ZMAT4: variants seen among roughly 807,000 people sequenced by gnomAD.
The protein encoded by ZMAT4 is zinc finger matrin-type 4.
A neutral mutation model predicts 28.7 loss-of-function variants in ZMAT4; 17 were observed. The observed-to-expected ratio is 0.59, with a 90% confidence interval of 0.41 to 0.89. The LOEUF is 0.89. Among genes scored for constraint, ZMAT4 ranks in the 40% least tolerant of loss-of-function variants. ZMAT4 has a pLI of 0.00. For missense variants in ZMAT4, 240 were observed against 283.8 expected, an observed-to-expected ratio of 0.85 and a Z score of 1.11; for synonymous variants, 117 against 109.2, an observed-to-expected ratio of 1.07 and a Z score of -0.44.
At chr8:40,731,075 AC>A (rs368801882) in intron 3 of ZMAT4, among the ~76,000 whole-genome samples, 7 of 152,206 alleles carry the variant, frequency 4.6e-5, no homozygotes, top group African/African-American at 9.6e-5. Flanking sequence ...AAGGATCTGC[AC>A]CCTAATCACT....
In ZMAT4 at chr8:40,815,246, G is replaced by A. The variant is rs147320834; in HGVS notation, c.102+10329C>T. On this transcript the variant is annotated intron_variant, in intron 2 of 6. Transcript: ENST00000297737. ...GCTGAGATCATGCAAATGCACTCCA[G>A]TGTGGGCAACAGAGCAAGACTCCAT... Among the ~76,000 whole-genome samples the A allele has an allele frequency of 2.0e-4, 31 of 152,282 alleles. No homozygotes were observed. In the East Asian group the frequency reaches 5.4e-3, roughly 27 times the overall value.
At chr8:40,884,273 A>G (rs1473991619) in intron 1 of ZMAT4, among the ~76,000 whole-genome samples, 2 of 125,090 alleles carry the variant, frequency 1.6e-5, no homozygotes, top group Non-Finnish European at 3.2e-5. Context: ...TCCCTCACCC[A>G]CTCAAGGCCA....
At chr8:40,650,620 C>A (rs1418596785) in intron 5 of ZMAT4, among the ~76,000 whole-genome samples, 1 of 110,146 alleles carries the variant, frequency 9.1e-6, no homozygotes, top group Admixed American at 9.7e-5. Flanking sequence ...AGAGACACAA[C>A]AAAAAAAGAG....
At chr8:40,630,592 T>C (rs1015309822) in intron 5 of ZMAT4, among the ~76,000 whole-genome samples, 1 of 152,070 alleles carries the variant, frequency 6.6e-6, no homozygotes, top group African/African-American at 2.4e-5. Context: ...GGTGGGAAAA[T>C]GGGAATACAA....
At chr8:40,579,245 T>C (rs1451154615) in intron 6 of ZMAT4, among the ~76,000 whole-genome samples, 2 of 152,192 alleles carry the variant, frequency 1.3e-5, no homozygotes, top group South Asian at 2.1e-4. Context: ...AAAGTCATTG[T>C]TTATCTTTTT....
At chr8:40,763,914 T>C (rs4236932) in intron 3 of ZMAT4, among the ~76,000 whole-genome samples, 146,908 of 152,178 alleles carry the variant, frequency 0.97, 71,121 homozygotes, top group Non-Finnish European at 1. Flanking sequence ...ATAAAAATAC[T>C]GTTTACTTAA....
intron 1 of ZMAT4, among the ~76,000 whole-genome samples, chr8:40,853,039 T>C (rs1031522432): frequency 2.0e-5 from 3 of 152,158 alleles, no homozygotes; most frequent in African/African-American, 7.2e-5. Flanking sequence ...AATATTTAAG[T>C]CTGAATAGCC....
intron 5 of ZMAT4, among the ~76,000 whole-genome samples, chr8:40,661,702 A>G (rs955428866): frequency 6.6e-6 from 1 of 152,190 alleles, no homozygotes; most frequent in Non-Finnish European, 1.5e-5. Flanking sequence ...TGTTTTGTCA[A>G]ATGAATGTGG....
intron 3 of ZMAT4, among the ~76,000 whole-genome samples, chr8:40,739,699 TA>T (rs755036041): frequency 2.0e-5 from 3 of 152,202 alleles, no homozygotes; most frequent in Non-Finnish European, 4.4e-5. Context: ...TACATAGGTA[TA>T]CCTGTGCCGT....
At position 40,711,321 on chromosome 8, in the gene ZMAT4, C is replaced by A. The variant is rs1054597095; in HGVS notation, c.193-13920G>T. ...CAATGAAAAAAATAGAAGAAAACAGCTTTGCAACCTCCAATGAATTAATGG... is the reference window on the plus strand; with the variant it reads ...CAATGAAAAAAATAGAAGAAAACAGATTTGCAACCTCCAATGAATTAATGG... On this transcript the variant is annotated intron_variant, in intron 3 of 6. Transcript: ENST00000297737. Among the ~76,000 whole-genome samples the A allele has an allele frequency of 2.0e-5, 3 of 152,082 alleles. No individual in the cohort carries two copies. The East Asian group carries it at 5.8e-4, about 29-fold the overall frequency.
chr8:40,536,577 G>T (rs897882461), intron 6 of ZMAT4, among the ~76,000 whole-genome samples: 1 of 152,128 alleles, frequency 6.6e-6, no homozygotes, highest in African/African-American at 2.4e-5. Context: ...AAAATCAGGT[G>T]AGGCTCCTCT....
intron 3 of ZMAT4, among the ~76,000 whole-genome samples, chr8:40,731,581 T>C: frequency 6.6e-6 from 1 of 152,028 alleles, no homozygotes; most frequent in Non-Finnish European, 1.5e-5. Flanking sequence ...TACATTCCAT[T>C]CAAAGGAAAA....
At position 40,765,258 on chromosome 8, in the gene ZMAT4, C is replaced by G. The variant is rs1252722695; in HGVS notation, c.192+2383G>C. On this transcript the variant is annotated intron_variant, in intron 3 of 6. Coordinates refer to ENST00000297737, the MANE Select transcript of ZMAT4 (RefSeq NM_024645.3). ...CAGTCTCTCAATTCTTAGGTATAAGCCTGTACAAAAGAAAGTTGATTCATA... is the reference window on the plus strand; with the variant it reads ...CAGTCTCTCAATTCTTAGGTATAAGGCTGTACAAAAGAAAGTTGATTCATA... Among the ~76,000 whole-genome samples the G allele has an allele frequency of 2.7e-5, 4 of 148,534 alleles. No individual in the cohort carries two copies. The Admixed American group carries it at 2.7e-4, about 10-fold the overall frequency.
intron 5 of ZMAT4, among the ~76,000 whole-genome samples, chr8:40,611,507 A>AT (rs1442923735): frequency 6.6e-6 from 1 of 152,042 alleles, no homozygotes; most frequent in African/African-American, 2.4e-5. Flanking sequence ...CGCCAGGCTA[A>AT]TTTTTTGTAT....
chr8:40,744,181 G>A (rs1427137066), intron 3 of ZMAT4, among the ~76,000 whole-genome samples: 1 of 152,138 alleles, frequency 6.6e-6, no homozygotes, highest in Non-Finnish European at 1.5e-5. Context: ...TACCTGTTAA[G>A]ATGTTTCTTC....
chr8:40,840,128 A>C (rs1056215557), intron 1 of ZMAT4, among the ~76,000 whole-genome samples: 1 of 152,150 alleles, frequency 6.6e-6, no homozygotes, highest in Non-Finnish European at 1.5e-5. Context: ...TCAAGGAAGA[A>C]ATGCTTGCCT....
intron 1 of ZMAT4, among the ~76,000 whole-genome samples, chr8:40,849,636 C>G (rs999790469): frequency 2.3e-4 from 35 of 152,190 alleles, no homozygotes; most frequent in Admixed American, 2.2e-3. Context: ...GACAACTTAC[C>G]CAGATGGCAT....
At chr8:40,741,357 G>T (rs762795381) in intron 3 of ZMAT4, among the ~76,000 whole-genome samples, 15 of 151,026 alleles carry the variant, frequency 9.9e-5, no homozygotes, top group Non-Finnish European at 1.6e-4. Flanking sequence ...TGAGGTAGGA[G>T]AATCGCTTGA....
rs1049649135 is a variant in ZMAT4 at position 40,641,636 on chromosome 8, T to C, written c.577+33068A>G. Among the ~76,000 whole-genome samples, 12 of 152,362 alleles carry C rather than the reference T, an allele frequency of 7.9e-5. 1 individual carries two copies. Among genetic ancestry groups the C allele is most frequent in the Admixed American group, 7.2e-4 (11 of 15,300 alleles). On this transcript the variant is annotated intron_variant, in intron 5 of 6. Coordinates refer to ENST00000297737, the MANE Select transcript of ZMAT4 (RefSeq NM_024645.3). ...AAACCATCATCACAATCTGTGCTCT[T>C]ACCCATTCATCACCTCTGTGTTTCC...
Sources: gnomAD v4.1 joint callset for allele counts (sites outside exome capture counted in the v4.1 genomes callset) on GRCh38, gnomAD v4.1.1 for gene constraint, MANE v1.5 for transcripts, NCBI Gene and HGNC (gene_info 2026-07-23, HGNC 2026-07-21) for gene names.